PSMC2: variants seen among roughly 807,000 people sequenced by gnomAD.
PSMC2 encodes the protein proteasome 26S subunit, ATPase 2.
Under a neutral mutation model 53.3 loss-of-function variants are expected in PSMC2, and 7 were observed. That is an observed-to-expected ratio of 0.13 (90% CI 0.07 to 0.25). PSMC2 has a LOEUF of 0.25. Ranked by LOEUF, PSMC2 falls within the 10% of genes least tolerant of loss-of-function variation. PSMC2 has a pLI of 1.00. For synonymous variants in PSMC2, 169 were observed against 183.9 expected, an observed-to-expected ratio of 0.92 and a Z score of 0.66; for missense variants, 241 against 544.0, an observed-to-expected ratio of 0.44 and a Z score of 5.54.
At chr7:103,366,387 A>T (rs890756845) in intron 9 of PSMC2, among the ~76,000 whole-genome samples, 12 of 152,216 alleles carry the variant, frequency 7.9e-5, no homozygotes, top group Non-Finnish European at 1.5e-4. Flanking sequence ...TTTTTGTGCT[A>T]TGGGTTGAAT....
chr7:103,352,215 TAAAAAAAAAAAAA>T (rs769618353), intron 1 of PSMC2, among the ~76,000 whole-genome samples: 430 of 40,628 alleles, frequency 0.011, 5 homozygotes, highest in African/African-American at 0.036. Flanking sequence ...CATACTTAGT[TAAAAAAAAAAAAA>T]AAAAAAAAAA....
At chr7:103,361,305 G>A (rs10242349) in intron 4 of PSMC2, among the ~76,000 whole-genome samples, 8,894 of 150,202 alleles carry the variant, frequency 0.059, 393 homozygotes, top group African/African-American at 0.12. Context: ...CTAGCCTGAG[G>A]TTGGGAGTTC....
At chr7:103,347,862 C>T in intron 1 of PSMC2, 81 bp downstream of exon 1, 2 of 1,490,050 alleles carry the variant, frequency 1.3e-6, no homozygotes, top group Non-Finnish European at 1.9e-6. Flanking sequence ...AGCTGGATTC[C>T]CGCTCCTGGC....
At chr7:103,365,950 C>T (rs1820697729) in intron 8 of PSMC2, 126 bp from the exon 9 acceptor site, 6 of 741,908 alleles carry the variant, frequency 8.1e-6, no homozygotes, top group African/African-American at 3.6e-5. Flanking sequence ...AAATAAAAAA[C>T]GTTTAGGTAA....
At chr7:103,365,135 A>T (rs1820644791) in intron 8 of PSMC2, among the ~76,000 whole-genome samples, 1 of 151,876 alleles carries the variant, frequency 6.6e-6, no homozygotes, top group African/African-American at 2.4e-5. Flanking sequence ...ATGATCAGGA[A>T]TTCCAAGTGA....
In PSMC2 at chr7:103,347,746, C is replaced by G; in HGVS notation, c.35C>G (p.Thr12Ser). Residue 12 changes from threonine (T) to serine (S), a missense_variant, in exon 1 of 12, where the codon ACC becomes AGC. This residue lies in a region of PSMC2 where 70 missense variants were observed against 57.9 expected (regional missense o/e 1.21). Coordinates refer to ENST00000292644, the MANE Select transcript of PSMC2 (RefSeq NM_002803.4). ...TACCTCGGTGCCGATCAGCGGAAGA[C>G]CAAAGAGGATGAGAAGGACGACAAG... Reference protein sequence around the residue: ...PDYLGADQRKTKEDEKDDKPI... With the variant: ...PDYLGADQRKSKEDEKDDKPI... 1 of 1,613,896 alleles carries G rather than the reference C, an allele frequency of 6.2e-7. No individual in the cohort carries two copies. The highest frequency in any genetic ancestry group is 2.2e-5 in the East Asian group (1 of 44,872).
intron 1 of PSMC2, 60 bp downstream of exon 1, chr7:103,347,841 C>T: frequency 1.3e-6 from 2 of 1,584,176 alleles, no homozygotes; most frequent in Non-Finnish European, 1.7e-6. Flanking sequence ...GCTGCCTTGG[C>T]ACTGGAGAGG....
In PSMC2 at chr7:103,367,152, T is replaced by C. The variant is rs12536983; in HGVS notation, c.845-261T>C. Among the ~76,000 whole-genome samples the C allele has an allele frequency of 0.13, 19,501 of 152,212 alleles. 1,565 individuals are homozygous for C. The highest frequency in any genetic ancestry group is 0.39 in the East Asian group (1,995 of 5,178). ...GGTCCAAATTAAGTAATAAATGTGG[T>C]AGACTTTGAAAACACTAAACTGCCC... On this transcript the variant is annotated intron_variant, in intron 9 of 11. Transcript: ENST00000292644. This position sits in a 1 kb window ranked among gnomAD's most constrained non-coding sequence, Gnocchi z 6.1.
At chr7:103,351,568 T>G (rs1237226253) in intron 1 of PSMC2, among the ~76,000 whole-genome samples, 2 of 152,216 alleles carry the variant, frequency 1.3e-5, no homozygotes, top group Non-Finnish European at 2.9e-5. Flanking sequence ...CCCTGTAGTT[T>G]GTATAAACAT....
chr7:103,352,724 A>G (rs1478125066), intron 1 of PSMC2: 7 of 706,878 alleles, frequency 9.9e-6, no homozygotes, highest in Non-Finnish European at 1.8e-5. Flanking sequence ...AAAACAACTC[A>G]TCCTGGTAGA....
Position 103,367,432 on chromosome 7 carries a change from T to C in PSMC2, c.864T>C (p.Gly288=). 1 of 1,613,836 alleles carries C rather than the reference T, an allele frequency of 6.2e-7. No homozygotes were observed. Among genetic ancestry groups the C allele is most frequent in the South Asian group, 1.1e-5 (1 of 91,082 alleles). The part of the protein sequence containing the change: ...DAIGGARFDD[G]AGGDNEVQRT... Reference sequence around the variant, plus strand: ...TCTCAGGGGCTCGTTTTGATGATGGTGCTGGAGGTGACAATGAAGTGCAGA... The same window carrying C: ...TCTCAGGGGCTCGTTTTGATGATGGCGCTGGAGGTGACAATGAAGTGCAGA... Residue 288 remains glycine, a synonymous_variant, in exon 10 of 12, where the codon GGT becomes GGC. Coordinates refer to ENST00000292644, the MANE Select transcript of PSMC2 (RefSeq NM_002803.4). This position sits in a 1 kb window ranked among gnomAD's most constrained non-coding sequence, Gnocchi z 6.1.
chr7:103,353,425 G>A (rs376955081), intron 1 of PSMC2, among the ~76,000 whole-genome samples: 3 of 152,250 alleles, frequency 2.0e-5, no homozygotes, highest in East Asian at 3.9e-4. Flanking sequence ...TCCAGCTTCA[G>A]CCTCCTGAGT....
intron 4 of PSMC2, among the ~76,000 whole-genome samples, chr7:103,358,287 T>G (rs1215320724): frequency 6.6e-6 from 1 of 152,224 alleles, no homozygotes; most frequent in Non-Finnish European, 1.5e-5. Context: ...TCTCTTGTTC[T>G]ATTTTGAAAT....
intron 1 of PSMC2, among the ~76,000 whole-genome samples, chr7:103,352,041 A>G (rs1819754704): frequency 1.3e-5 from 2 of 151,768 alleles, no homozygotes; most frequent in Admixed American, 1.3e-4. Flanking sequence ...TATAATGTCA[A>G]CTGTAGTGGC....
chr7:103,363,231 TAA>T (rs1372456353), intron 6 of PSMC2, 111 bp from the exon 7 acceptor site: 1 of 801,230 alleles, frequency 1.2e-6, no homozygotes, highest in Non-Finnish European at 2.0e-6. Flanking sequence ...CAATTTTTAT[TAA>T]AATTCTCACT....
chr7:103,362,463 CCCT>C (rs1820466619), intron 5 of PSMC2: 2 of 1,379,344 alleles, frequency 1.4e-6, no homozygotes, highest in Non-Finnish European at 9.3e-7. Context: ...AATCTCCCCT[CCCT>C]CCTCAAAGGT....
rs2116153771 is a variant in PSMC2, at chr7:103,354,886, A to T, written c.127A>T (p.Arg43Trp). The change falls in exon 3 of 12, where the codon AGG becomes TGG. Residue 43 changes from arginine (R) to tryptophan (W), a missense_variant. Transcript: ENST00000292644. ...CACCTAGGGTCAGAGCACTTACTCT[A>T]GGCAGATCAAGCAAGTTGAAGATGA... The part of the protein sequence containing the change: ...LKTYGQSTYS[R>W]QIKQVEDDIQ... 1 of 1,612,854 alleles carries T rather than the reference A, an allele frequency of 6.2e-7. No individual in the cohort carries two copies. The highest frequency in any genetic ancestry group is 2.2e-5 in the East Asian group (1 of 44,820).
In PSMC2 at chr7:103,369,349, A is replaced by G. The variant is rs1265428187; in HGVS notation, c.*1295A>G. On this transcript the variant is annotated 3_prime_UTR_variant, in exon 12 of 12. Coordinates refer to ENST00000292644, the MANE Select transcript of PSMC2 (RefSeq NM_002803.4). The stretch of plus-strand genomic sequence containing the variant: ...TACTTAAGAAAATGACTGAAGATGT[A>G]TGTTTTTGAATGTTTTGATTAAATA... 6.6e-6 allele frequency: 1 copy of G among 152,218 alleles called. No individual in the cohort carries two copies. Among genetic ancestry groups the G allele is most frequent in the Non-Finnish European group, 1.5e-5 (1 of 68,032 alleles). 9.4% of individuals were successfully genotyped at this position (152,218 alleles called of 1,614,324 possible). A position where few individuals can be genotyped will look rare whatever the true frequency, so the allele number is the denominator to read the frequency against.
chr7:103,348,476 G>A, intron 1 of PSMC2: 1 of 564,174 alleles, frequency 1.8e-6, no homozygotes, highest in Non-Finnish European at 3.3e-6. Context: ...CTCTGCATCT[G>A]CATAGTATCC....
Sources: allele counts gnomAD v4.1 joint callset (sites outside exome capture counted in the v4.1 genomes callset), GRCh38; gene constraint gnomAD v4.1.1; regional missense constraint gnomAD v4.1.1; non-coding constraint Gnocchi (gnomAD v3.1); transcripts MANE v1.5; gene names NCBI Gene and HGNC (gene_info 2026-07-23, HGNC 2026-07-21).